Variants in ISCA1 observed in about 807,000 individuals in gnomAD.
The protein encoded by ISCA1 is iron-sulfur cluster assembly 1 homolog, mitochondrial.
A neutral mutation model predicts 14.7 loss-of-function variants in ISCA1; 9 were observed. The ratio of observed to expected loss-of-function variants is 0.61; its 90% CI spans 0.37 to 1.07. The LOEUF (loss-of-function observed/expected upper bound fraction) is 1.07, where lower values mean the gene tolerates loss of function less well. ISCA1 is among the 50% of genes least tolerant of loss of function. The probability of loss-of-function intolerance (pLI) is 0.01; values close to 1 mark genes in which losing one functional copy is unlikely to be tolerated. For synonymous variants in ISCA1, 38 were observed against 54.3 expected, an observed-to-expected ratio of 0.70 and a Z score of 1.32; for missense variants, 102 against 150.1, an observed-to-expected ratio of 0.68 and a Z score of 1.67.
chr9:86,276,483 G>T (rs1263197782), intron 1 of ISCA1, among the ~76,000 whole-genome samples: 1 of 152,158 alleles, frequency 6.6e-6, no homozygotes, highest in African/African-American at 2.4e-5. Context: ...ATTTTCCTAT[G>T]TGCATGCTGA....
At chr9:86,278,579 A>C (rs1825470132) in intron 1 of ISCA1, among the ~76,000 whole-genome samples, 1 of 152,104 alleles carries the variant, frequency 6.6e-6, no homozygotes, top group Non-Finnish European at 1.5e-5. Context: ...CTGAGGTGAA[A>C]GGATTGCTTG....
intron 3 of ISCA1, among the ~76,000 whole-genome samples, chr9:86,268,918 C>G (rs1020847504): frequency 3.9e-5 from 6 of 152,178 alleles, no homozygotes; most frequent in Non-Finnish European, 7.3e-5. Context: ...GCCTCAGCCT[C>G]CCAGTAGCTG....
At chr9:86,267,291 TA>T in intron 3 of ISCA1, 1 of 822,196 alleles carries the variant, frequency 1.2e-6, no homozygotes, top group Non-Finnish European at 1.5e-6. Context: ...AGCCATTAGC[TA>T]AATATAAACA....
At chr9:86,280,352 G>A (rs1261914377) in intron 1 of ISCA1, among the ~76,000 whole-genome samples, 4 of 152,144 alleles carry the variant, frequency 2.6e-5, no homozygotes, top group Non-Finnish European at 5.9e-5. Context: ...TTGGGAGGCT[G>A]AGACGAGTGG....
Position 86,265,742 on chromosome 9 carries a change from T to C in ISCA1, c.*301A>G. On this transcript the variant is annotated 3_prime_UTR_variant, in exon 4 of 4. Transcript: ENST00000375991. ...GATGATCAAGCCATCAATAGCGATC[T>C]AAGGAGTGCACACAGTTCAGGAAAT... 1 of 429,536 alleles carries C rather than the reference T, an allele frequency of 2.3e-6. No homozygotes were observed. The highest frequency in any genetic ancestry group is 4.4e-6 in the Non-Finnish European group (1 of 227,304). The allele number at this position is 429,536 out of a possible 1,614,324, so 26.6% of individuals were successfully genotyped here. A position where few individuals can be genotyped will look rare whatever the true frequency, so the allele number is the denominator to read the frequency against.
chr9:86,278,920 TA>T (rs149795842), intron 1 of ISCA1, among the ~76,000 whole-genome samples: 2 of 151,910 alleles, frequency 1.3e-5, no homozygotes, highest in Admixed American at 6.6e-5. Context: ...CGCTGAAACT[TA>T]AAAAAAACCA....
At chr9:86,280,965 A>C (rs1020082459) in intron 1 of ISCA1, among the ~76,000 whole-genome samples, 26 of 123,670 alleles carry the variant, frequency 2.1e-4, no homozygotes, top group Admixed American at 1.7e-3. Flanking sequence ...AACAAACAAA[A>C]AACAAAAAAC....
At chr9:86,277,174 G>A (rs1003294478) in intron 1 of ISCA1, among the ~76,000 whole-genome samples, 6 of 152,096 alleles carry the variant, frequency 3.9e-5, no homozygotes, top group Non-Finnish European at 2.9e-5. Flanking sequence ...AAAGCAATTC[G>A]TGGGGATTGG....
intron 1 of ISCA1, among the ~76,000 whole-genome samples, chr9:86,276,788 T>C (rs1417453324): frequency 7.1e-6 from 1 of 141,676 alleles, no homozygotes; most frequent in East Asian, 2.3e-4. Flanking sequence ...TGAGAATCGC[T>C]TGAACCCAGG....
At chr9:86,266,416 C>A (rs577513772) in intron 3 of ISCA1, among the ~76,000 whole-genome samples, 13 of 152,286 alleles carry the variant, frequency 8.5e-5, no homozygotes, top group African/African-American at 3.1e-4. Context: ...GAATTTTATA[C>A]AAGTAAATTC....
At chr9:86,277,931 T>C (rs1825459257) in intron 1 of ISCA1, among the ~76,000 whole-genome samples, 1 of 152,246 alleles carries the variant, frequency 6.6e-6, no homozygotes, top group African/African-American at 2.4e-5. Context: ...GGAAAAGGCA[T>C]TGTAGATGAA....
rs1311882870 is a variant in ISCA1 at position 86,265,049 on chromosome 9, T to C, written c.*994A>G. 1 of 152,186 alleles carries C rather than the reference T, an allele frequency of 6.6e-6. No individual in the cohort carries two copies. Among genetic ancestry groups the C allele is most frequent in the African/African-American group, 2.4e-5 (1 of 41,434 alleles). 9.4% of individuals were successfully genotyped at this position (152,186 alleles called of 1,614,324 possible). A position where few individuals can be genotyped will look rare whatever the true frequency, so the allele number is the denominator to read the frequency against. ...TGTCATCTCTGCTACAAACCATTGT[T>C]TCAAAGGTGAAAGAAACAAGATGGT... On this transcript the variant is annotated 3_prime_UTR_variant, in exon 4 of 4. Transcript: ENST00000375991.
chr9:86,273,000 G>C (rs1041450364), intron 2 of ISCA1, among the ~76,000 whole-genome samples: 1 of 152,166 alleles, frequency 6.6e-6, no homozygotes, highest in African/African-American at 2.4e-5. Context: ...ACTGTATACA[G>C]CAAAAGTATC....
intron 1 of ISCA1, among the ~76,000 whole-genome samples, chr9:86,280,263 G>C (rs1825493230): frequency 6.6e-6 from 1 of 152,078 alleles, no homozygotes; most frequent in Non-Finnish European, 1.5e-5. Flanking sequence ...GAATGACTAG[G>C]AATGGAGAGA....
rs1362764975 is a variant in ISCA1, at chr9:86,264,580, T to C, written c.*1463A>G. The C allele has an allele frequency of 6.6e-6, 1 of 152,578 alleles. No individual in the cohort carries two copies. The highest frequency in any genetic ancestry group is 1.5e-5 in the Non-Finnish European group (1 of 68,028). 9.5% of individuals were successfully genotyped at this position (152,578 alleles called of 1,614,324 possible). On this transcript the variant is annotated 3_prime_UTR_variant, in exon 4 of 4. Transcript: ENST00000375991. ...CACAAAGAGGCCACATTTTTTTTAA[T>C]TGACAACTCAATCTCTACATACATA...
intron 3 of ISCA1, chr9:86,267,597 A>T: frequency 1.2e-6 from 1 of 865,700 alleles, no homozygotes; most frequent in Non-Finnish European, 1.4e-6. Flanking sequence ...AAATTAAATT[A>T]TAATAAATAG....
chr9:86,282,440 G>C lies in ISCA1; in HGVS notation c.19C>G (p.Arg7Gly). 2 of 1,554,690 alleles carry C rather than the reference G, an allele frequency of 1.3e-6. No homozygotes were observed. The highest frequency in any genetic ancestry group is 8.7e-7 in the Non-Finnish European group (1 of 1,149,158). ...TTGCTCACAGCCCGGACAGTTGCCCGGACTAAGGAAGCCGACATCTTCGCC... is the reference window on the plus strand; with the variant it reads ...TTGCTCACAGCCCGGACAGTTGCCCCGACTAAGGAAGCCGACATCTTCGCC... MSASLV[R>G]ATVRAVSKRK... Residue 7 changes from arginine (R) to glycine (G), a missense_variant, in exon 1 of 4, where the codon CGG becomes GGG. By Grantham distance (125) the Arg-to-Gly change is moderately radical (BLOSUM62 -2). Coordinates refer to ENST00000375991, the MANE Select transcript of ISCA1 (RefSeq NM_030940.4).
intron 1 of ISCA1, chr9:86,282,066 G>A: frequency 2.6e-6 from 1 of 389,628 alleles, no homozygotes; most frequent in South Asian, 3.9e-5. Flanking sequence ...AGGCCGGCAG[G>A]AGTGTGGAGG....
intron 1 of ISCA1, among the ~76,000 whole-genome samples, chr9:86,281,385 G>A (rs1456916026): frequency 6.6e-6 from 1 of 152,112 alleles, no homozygotes; most frequent in East Asian, 1.9e-4. Flanking sequence ...CAACAGAATC[G>A]ATGAGTCAAT....
Sources: gnomAD v4.1 joint callset for allele counts (sites outside exome capture counted in the v4.1 genomes callset) on GRCh38, gnomAD v4.1.1 for gene constraint, MANE v1.5 for transcripts, NCBI Gene and HGNC (gene_info 2026-07-23, HGNC 2026-07-21) for gene names.